CASZ1: variants seen among roughly 807,000 people sequenced by gnomAD.
The protein encoded by CASZ1 is castor zinc finger 1.
In CASZ1, 28 loss-of-function variants were observed where a neutral mutation model predicts 135.2. The observed-to-expected ratio is 0.21, with a 90% CI of 0.15 to 0.28. CASZ1 has a LOEUF of 0.28. Among genes scored for constraint, CASZ1 ranks in the 10% least tolerant of loss-of-function variants. The probability of loss-of-function intolerance (pLI) is 1.00; values close to 1 mark genes in which losing one functional copy is unlikely to be tolerated. For missense variants in CASZ1, 2,161 were observed against 2,453.3 expected (o/e 0.88, Z 2.52); for synonymous variants, 1,068 against 1,073.4 (o/e 0.99, Z 0.10).
rs977795832 is a variant in CASZ1, at chr1:10,657,512, A to G, written c.1410-776T>C. ...GTAATGGGAAAACCACGTGCAAACA[A>G]ATATTTAGGCTGAAGTGGCCAAAAG... On this transcript the variant is annotated intron_variant, in intron 7 of 20. Coordinates refer to ENST00000377022, the MANE Select transcript of CASZ1 (RefSeq NM_001079843.3). This position sits in a 1 kb window ranked among gnomAD's most constrained non-coding sequence, Gnocchi z 5.7. Among the ~76,000 whole-genome samples, 2 of 152,196 alleles carry G rather than the reference A, an allele frequency of 1.3e-5. No individual in the cohort carries two copies. Among genetic ancestry groups the G allele is most frequent in the African/African-American group, 4.8e-5 (2 of 41,448 alleles).
chr1:10,676,896 C>T lies in CASZ1; in HGVS notation c.17-11325G>A, dbSNP rs1014415017. ...GGGTATCAAGGGCATGCACTCTGTC[C>T]GGGCTGAACCCCATACTGCCTGGCT... On this transcript the variant is annotated intron_variant, in intron 4 of 20. Coordinates refer to ENST00000377022, the MANE Select transcript of CASZ1 (RefSeq NM_001079843.3). The surrounding 1 kb of genome is among the most constrained non-coding windows in gnomAD (Gnocchi z 4.5). Among the ~76,000 whole-genome samples, 11 of 152,222 alleles carry T rather than the reference C, an allele frequency of 7.2e-5. No individual in the cohort carries two copies. Among genetic ancestry groups the T allele is most frequent in the East Asian group, 1.9e-4 (1 of 5,196 alleles).
intron 20 of CASZ1, among the ~76,000 whole-genome samples, chr1:10,641,353 A>G (rs1021291773): frequency 2.6e-5 from 4 of 152,216 alleles, no homozygotes; most frequent in Non-Finnish European, 5.9e-5. Flanking sequence ...TGCCCTGGCC[A>G]TAACTCCTGG....
Position 10,767,454 on chromosome 1 carries a change from C to T in CASZ1, c.-233-6597G>A, listed in dbSNP as rs914987042. ...AGGCAGATCCCTGGAGGGGACAGGG[C>T]GGGGGCGATGGGAGCACAGGCTTCC... On this transcript the variant is annotated intron_variant, in intron 1 of 20. Coordinates refer to ENST00000377022, the MANE Select transcript of CASZ1 (RefSeq NM_001079843.3). The surrounding 1 kb of genome is among the most constrained non-coding windows in gnomAD (Gnocchi z 4.2). Among the ~76,000 whole-genome samples the T allele has an allele frequency of 7.9e-5, 12 of 152,164 alleles. No individual in the cohort carries two copies. The highest frequency in any genetic ancestry group is 2.1e-4 in the South Asian group (1 of 4,832).
chr1:10,728,868 G>C (rs1440612743), intron 2 of CASZ1, among the ~76,000 whole-genome samples: 1 of 152,134 alleles, frequency 6.6e-6, no homozygotes, highest in African/African-American at 2.4e-5. Context: ...CCCCTCGCTG[G>C]GCCGGGCCCA....
Position 10,706,944 on chromosome 1 carries a change from GC to G in CASZ1, c.-76-1401del, listed in dbSNP as rs1285750570. 6.6e-6 allele frequency among the ~76,000 whole-genome samples: 1 copy of G among 152,100 alleles called. No homozygotes were observed. The highest frequency in any genetic ancestry group is 1.5e-5 in the Non-Finnish European group (1 of 67,998). On this transcript the variant is annotated intron_variant, in intron 2 of 20. Coordinates refer to ENST00000377022, the MANE Select transcript of CASZ1 (RefSeq NM_001079843.3). The surrounding 1 kb of genome is among the most constrained non-coding windows in gnomAD (Gnocchi z 4.3). Reference sequence around the variant, plus strand: ...AGGGGGAATAAGGAAAAGAGAAGGAGCTGGCCAGGAGAGGAGAGGATGGAGG... The same window carrying G: ...AGGGGGAATAAGGAAAAGAGAAGGAGTGGCCAGGAGAGGAGAGGATGGAGG...
rs752486243 is a variant in CASZ1, at chr1:10,735,789, G to C, written c.-77+24912C>G. Among the ~76,000 whole-genome samples the C allele has an allele frequency of 1.5e-4, 23 of 152,142 alleles. No homozygotes were observed. The highest frequency in any genetic ancestry group is 5.6e-4 in the African/African-American group (23 of 41,398). ...TCATCTGACAGGCCATCAGTGCCTC[G>C]CTCTGGGCTGCACCAAGGGGACACT... On this transcript the variant is annotated intron_variant, in intron 2 of 20. Transcript: ENST00000377022. The surrounding 1 kb of genome is among the most constrained non-coding windows in gnomAD (Gnocchi z 5.1).
At chr1:10,782,843 C>A (rs1640787258) in intron 1 of CASZ1, among the ~76,000 whole-genome samples, 1 of 152,182 alleles carries the variant, frequency 6.6e-6, no homozygotes, top group Non-Finnish European at 1.5e-5. Context: ...TACGTGCAAA[C>A]AGAAATCATA....
At position 10,726,313 on chromosome 1, in the gene CASZ1, C is replaced by CG. The variant is rs146535727; in HGVS notation, c.-76-20770dup. Among the ~76,000 whole-genome samples the CG allele has an allele frequency of 3.9e-3, 588 of 152,294 alleles. 1 individual carries two copies. Among genetic ancestry groups the CG allele is most frequent in the Non-Finnish European group, 7.4e-3 (506 of 68,016 alleles). On this transcript the variant is annotated intron_variant, in intron 2 of 20. Transcript: ENST00000377022. The surrounding 1 kb of genome is among the most constrained non-coding windows in gnomAD (Gnocchi z 5.7). ...GAAATGAGGCTTGGGGAGGTGAAACCGGGTCTCCCCAGCTTGGGGCTACTG... is the reference window on the plus strand; with the variant it reads ...GAAATGAGGCTTGGGGAGGTGAAACCGGGGTCTCCCCAGCTTGGGGCTACTG...
At chr1:10,682,587 C>T (rs535420291) in intron 4 of CASZ1, among the ~76,000 whole-genome samples, 45 of 152,238 alleles carry the variant, frequency 3.0e-4, no homozygotes, top group Non-Finnish European at 5.3e-4. Flanking sequence ...TTGGCTTTGC[C>T]GGGACTGAGA....
At chr1:10,760,254 T>C (rs1640348020) in intron 2 of CASZ1, among the ~76,000 whole-genome samples, 2 of 152,220 alleles carry the variant, frequency 1.3e-5, no homozygotes, top group South Asian at 4.1e-4. Flanking sequence ...GGAGAAAGGC[T>C]GGAACTACTG....
At chr1:10,648,925 C>T in intron 15 of CASZ1, 145 bp downstream of exon 15, 2 of 1,163,852 alleles carry the variant, frequency 1.7e-6, no homozygotes, top group South Asian at 3.0e-5. Context: ...GGGAAGCCCA[C>T]CCTTGCTGGG....
At chr1:10,704,010 G>T (rs1639117458) in intron 3 of CASZ1, among the ~76,000 whole-genome samples, 1 of 152,210 alleles carries the variant, frequency 6.6e-6, no homozygotes, top group Non-Finnish European at 1.5e-5. Flanking sequence ...CCTGGGGACG[G>T]AGTTATCTAC....
In CASZ1 at chr1:10,641,841, C is replaced by G. The variant is rs556508957; in HGVS notation, c.4162+1018G>C. Among the ~76,000 whole-genome samples, 195 of 152,212 alleles carry G rather than the reference C, an allele frequency of 1.3e-3. 1 individual carries two copies. Among genetic ancestry groups the G allele is most frequent in the African/African-American group, 4.5e-3 (185 of 41,534 alleles). On this transcript the variant is annotated intron_variant, in intron 20 of 20. Transcript: ENST00000377022. ...GGCCTGCCCAGCACTGAGCAGGAGCCACGAGGAGTTGTCCCTGGGATGGAG... is the reference window on the plus strand; with the variant it reads ...GGCCTGCCCAGCACTGAGCAGGAGCGACGAGGAGTTGTCCCTGGGATGGAG...
intron 5 of CASZ1, chr1:10,660,842 C>T (rs1429974398): frequency 7.3e-6 from 3 of 409,908 alleles, no homozygotes; most frequent in Non-Finnish European, 1.3e-5. Flanking sequence ...AATGTCTCCG[C>T]TCTCTCGCCT....
At chr1:10,793,726 G>A (rs543557243) in intron 1 of CASZ1, among the ~76,000 whole-genome samples, 2 of 151,888 alleles carry the variant, frequency 1.3e-5, no homozygotes, top group South Asian at 2.1e-4. Context: ...TGGGTGGCGG[G>A]GGGGCGGGGC....
intron 4 of CASZ1, 26 bp downstream of exon 4, chr1:10,693,848 G>A (rs778441004): frequency 1.0e-5 from 16 of 1,572,778 alleles, no homozygotes; most frequent in Admixed American, 1.7e-5. Context: ...TGAAAGAGCC[G>A]CCCCTGCGTT....
At chr1:10,685,218 G>A (rs1638547573) in intron 4 of CASZ1, among the ~76,000 whole-genome samples, 1 of 152,234 alleles carries the variant, frequency 6.6e-6, no homozygotes, top group African/African-American at 2.4e-5. Context: ...GGGGAGAAGG[G>A]CGGCCCTGAA....
At chr1:10,730,333 C>T (rs1218022322) in intron 2 of CASZ1, among the ~76,000 whole-genome samples, 1 of 152,134 alleles carries the variant, frequency 6.6e-6, no homozygotes, top group Non-Finnish European at 1.5e-5. Flanking sequence ...TGCGCCCGGC[C>T]CCATATTCAC....
chr1:10,718,655 T>G (rs1321884101), intron 2 of CASZ1, among the ~76,000 whole-genome samples: 3 of 152,176 alleles, frequency 2.0e-5, no homozygotes, highest in Non-Finnish European at 2.9e-5. Flanking sequence ...GCCAGTGCCT[T>G]GGGACACAGT....
Sources: allele counts gnomAD v4.1 joint callset (sites outside exome capture counted in the v4.1 genomes callset), GRCh38; gene constraint gnomAD v4.1.1; non-coding constraint Gnocchi (gnomAD v3.1); transcripts MANE v1.5; gene names NCBI Gene and HGNC (gene_info 2026-07-23, HGNC 2026-07-21).